PLCB1: variants seen among roughly 807,000 people sequenced by gnomAD.
The protein encoded by PLCB1 is phospholipase C beta 1.
PLCB1 carries 46 observed loss-of-function variants against 161.8 expected under a neutral mutation model. The observed-to-expected ratio is 0.28, with a 90% CI of 0.22 to 0.36. The LOEUF (loss-of-function observed/expected upper bound fraction) is 0.36. Ranked by LOEUF, PLCB1 falls within the 10% of genes least tolerant of loss-of-function variation. PLCB1 has a pLI of 1.00. For synonymous variants in PLCB1, 517 were observed against 503.7 expected (o/e 1.03, Z -0.35); for missense variants, 1,016 against 1,472.5 (o/e 0.69, Z 5.07).
At chr20:8,488,164 G>A (rs951887393) in intron 3 of PLCB1, among the ~76,000 whole-genome samples, 1 of 152,200 alleles carries the variant, frequency 6.6e-6, no homozygotes, top group South Asian at 2.1e-4. Context: ...ATGCCCATTT[G>A]TTGATTACAG....
intron 31 of PLCB1, among the ~76,000 whole-genome samples, chr20:8,871,356 G>C (rs1297669110): frequency 6.6e-6 from 1 of 152,174 alleles, no homozygotes; most frequent in Non-Finnish European, 1.5e-5. Context: ...ATGTCCAATG[G>C]AGGAAGTGTT....
At chr20:8,222,277 T>C (rs1466299981) in intron 2 of PLCB1, among the ~76,000 whole-genome samples, 1 of 152,202 alleles carries the variant, frequency 6.6e-6, no homozygotes, top group African/African-American at 2.4e-5. Flanking sequence ...ATTGTACAGA[T>C]CTGCTGGAGA....
intron 2 of PLCB1, among the ~76,000 whole-genome samples, chr20:8,289,414 T>C (rs961224333): frequency 6.6e-6 from 1 of 152,104 alleles, no homozygotes; most frequent in Non-Finnish European, 1.5e-5. Flanking sequence ...ATGCTGCTGG[T>C]CTCCAGACCA....
intron 3 of PLCB1, among the ~76,000 whole-genome samples, chr20:8,385,150 C>A (rs1416318956): frequency 6.6e-6 from 1 of 152,186 alleles, no homozygotes; most frequent in African/African-American, 2.4e-5. Context: ...GTCTACTGGT[C>A]CACAGAAACT....
At chr20:8,301,238 G>T (rs1983897619) in intron 2 of PLCB1, among the ~76,000 whole-genome samples, 1 of 152,108 alleles carries the variant, frequency 6.6e-6, no homozygotes, top group African/African-American at 2.4e-5. Context: ...CCATGCCAAG[G>T]TTGGCATTTT....
intron 6 of PLCB1, among the ~76,000 whole-genome samples, chr20:8,648,207 C>A (rs1052693848): frequency 4.6e-5 from 7 of 152,112 alleles, no homozygotes; most frequent in African/African-American, 7.2e-5. Context: ...GTGGAGGGAC[C>A]CTTGCTACTA....
chr20:8,629,763 A>AGATGTGTT (rs1412222282), intron 4 of PLCB1, among the ~76,000 whole-genome samples: 2 of 149,744 alleles, frequency 1.3e-5, no homozygotes, highest in African/African-American at 5.0e-5. Flanking sequence ...GAGCTACACC[A>AGATGTGTT]GATGTGTTGG....
intron 3 of PLCB1, among the ~76,000 whole-genome samples, chr20:8,486,326 C>T (rs894803414): frequency 2.0e-5 from 3 of 152,118 alleles, no homozygotes; most frequent in East Asian, 3.9e-4. Context: ...CATTCTAACC[C>T]GTTCAGATGT....
rs149320943 is a variant in PLCB1 at position 8,357,940 on chromosome 20, T to A, written c.178-13442T>A. ...ACAAGGTAAAGTTCATGCCTAAGCA[T>A]GTGCAGAAACTCAAGGTCAAGTGCA... On this transcript the variant is annotated intron_variant, in intron 2 of 31. Coordinates refer to ENST00000338037, the MANE Select transcript of PLCB1 (RefSeq NM_015192.4). Among the ~76,000 whole-genome samples the A allele has an allele frequency of 2.6e-3, 403 of 152,316 alleles. 2 individuals carry two copies. Among genetic ancestry groups the A allele is most frequent in the African/African-American group, 9.1e-3 (379 of 41,574 alleles).
chr20:8,616,124 C>G (rs1988034988), intron 3 of PLCB1, among the ~76,000 whole-genome samples: 1 of 152,174 alleles, frequency 6.6e-6, no homozygotes, highest in African/African-American at 2.4e-5. Context: ...ATCTGTCCCC[C>G]ATATTCTAGC....
chr20:8,733,197 A>G (rs749910647), intron 18 of PLCB1, 41 bp from the exon 19 acceptor site: 12 of 1,601,866 alleles, frequency 7.5e-6, no homozygotes, highest in African/African-American at 1.3e-5. Flanking sequence ...TACCCCAAGT[A>G]TAGATAAACT....
intron 3 of PLCB1, among the ~76,000 whole-genome samples, chr20:8,481,977 G>A (rs1353529374): frequency 2.0e-5 from 3 of 151,494 alleles, no homozygotes; most frequent in Non-Finnish European, 2.9e-5. Context: ...ACTTAATAGT[G>A]ATGTGAATTT....
chr20:8,678,488 G>A (rs1990141554), intron 9 of PLCB1, among the ~76,000 whole-genome samples: 1 of 152,326 alleles, frequency 6.6e-6, no homozygotes, highest in Admixed American at 6.5e-5. Context: ...ACATGAGGAA[G>A]CGTGTTTCTA....
intron 2 of PLCB1, among the ~76,000 whole-genome samples, chr20:8,271,353 T>G (rs143702790): frequency 6.6e-6 from 1 of 152,262 alleles, no homozygotes; most frequent in African/African-American, 2.4e-5. Flanking sequence ...TCTACTTCCA[T>G]GAAGGGTGTG....
chr20:8,583,096 C>A (rs1273610441), intron 3 of PLCB1, among the ~76,000 whole-genome samples: 2 of 151,894 alleles, frequency 1.3e-5, no homozygotes, highest in African/African-American at 4.8e-5. Flanking sequence ...GAAAGCCTGT[C>A]ATAAAAACAC....
rs532995951 is a variant in PLCB1, at chr20:8,564,484, T to C, written c.247-63810T>C. Among the ~76,000 whole-genome samples, 14 of 152,160 alleles carry C rather than the reference T, an allele frequency of 9.2e-5. No individual in the cohort carries two copies. The South Asian group carries it at 2.7e-3, about 29-fold the overall frequency. The stretch of plus-strand genomic sequence containing the variant: ...GGCAATAGAAGCCAAAATTGACAAA[T>C]GGGACCTAATTAAACTAAAGACCTT... On this transcript the variant is annotated intron_variant, in intron 3 of 31. Coordinates refer to ENST00000338037, the MANE Select transcript of PLCB1 (RefSeq NM_015192.4).
intron 2 of PLCB1, among the ~76,000 whole-genome samples, chr20:8,291,953 G>A (rs1983402583): frequency 6.6e-6 from 1 of 152,142 alleles, no homozygotes; most frequent in Admixed American, 6.6e-5. Flanking sequence ...ATATTAAAGG[G>A]TTTATCTGTG....
chr20:8,531,629 C>T (rs537446634), intron 3 of PLCB1, among the ~76,000 whole-genome samples: 123 of 152,174 alleles, frequency 8.1e-4, no homozygotes, highest in African/African-American at 2.7e-3. Context: ...TTCAGCAATG[C>T]TTCTCCTATC....
intron 3 of PLCB1, among the ~76,000 whole-genome samples, chr20:8,430,278 C>T (rs368418490): frequency 1.3e-5 from 2 of 151,944 alleles, no homozygotes; most frequent in African/African-American, 2.4e-5. Flanking sequence ...GAAGTGATCA[C>T]GAAGACCTAG....
Sources: allele counts gnomAD v4.1 joint callset (sites outside exome capture counted in the v4.1 genomes callset), GRCh38; gene constraint gnomAD v4.1.1; transcripts MANE v1.5; gene names NCBI Gene and HGNC (gene_info 2026-07-23, HGNC 2026-07-21).